The following ADK variants were observed in gnomAD, a reference collection of about 807,000 sequenced individuals.
ADK encodes N6,N6-dimethyladenosine kinase.
Under a neutral mutation model 44.7 loss-of-function variants are expected in ADK, and 24 were observed. That is an observed-to-expected ratio of 0.54 (90% CI 0.39 to 0.76). The LOEUF is 0.76. Ranked by LOEUF, ADK falls within the 30% of genes least tolerant of loss-of-function variation. ADK has a pLI of 0.00. For synonymous variants in ADK, 128 were observed against 142.6 expected (o/e 0.90, Z 0.73); for missense variants, 321 against 425.1 (o/e 0.76, Z 2.15).
chr10:74,529,417 A>C (rs1352713695), intron 7 of ADK: 1 of 152,094 alleles, frequency 6.6e-6, no homozygotes, highest in Admixed American at 6.6e-5. Context: ...TGGGATGATG[A>C]AAAAGTTCTG....
intron 3 of ADK, among the ~76,000 whole-genome samples, chr10:74,300,134 T>G (rs370625915): frequency 6.6e-6 from 1 of 151,774 alleles, no homozygotes; most frequent in Non-Finnish European, 1.5e-5. Flanking sequence ...TCCTCCTGCC[T>G]CAAGCTCCCA....
chr10:74,635,425 A>T (rs768225878), intron 9 of ADK, among the ~76,000 whole-genome samples: 6 of 152,202 alleles, frequency 3.9e-5, no homozygotes, highest in Non-Finnish European at 8.8e-5. Context: ...TAAACATAAG[A>T]GTATATACTA....
intron 10 of ADK, among the ~76,000 whole-genome samples, chr10:74,686,606 C>T (rs73278312): frequency 6.6e-6 from 1 of 152,304 alleles, no homozygotes; most frequent in Admixed American, 6.5e-5. Context: ...CTCAAGTATT[C>T]TGTTGTAGCA....
At chr10:74,606,847 A>G (rs1170017091) in intron 9 of ADK, among the ~76,000 whole-genome samples, 1 of 152,114 alleles carries the variant, frequency 6.6e-6, no homozygotes, top group Non-Finnish European at 1.5e-5. Context: ...ATCTCCCACT[A>G]TTATTGTGTG....
chr10:74,232,335 G>A (rs563898890), intron 3 of ADK, among the ~76,000 whole-genome samples: 27 of 152,020 alleles, frequency 1.8e-4, no homozygotes, highest in African/African-American at 5.8e-4. Flanking sequence ...CCTTGGCAAC[G>A]TGGCGAAACC....
At chr10:74,688,347 A>G (rs1195930993) in intron 10 of ADK, among the ~76,000 whole-genome samples, 1 of 152,174 alleles carries the variant, frequency 6.6e-6, no homozygotes, top group East Asian at 1.9e-4. Context: ...TGTAAGTTTC[A>G]GAAGAACAGG....
intron 7 of ADK, among the ~76,000 whole-genome samples, chr10:74,553,566 A>G (rs1384557512): frequency 2.0e-5 from 3 of 152,206 alleles, no homozygotes; most frequent in African/African-American, 7.2e-5. Context: ...CCCCAACTAC[A>G]TGGATAAATC....
intron 4 of ADK, among the ~76,000 whole-genome samples, chr10:74,352,253 G>T (rs901162956): frequency 6.6e-6 from 1 of 151,934 alleles, no homozygotes; most frequent in African/African-American, 2.4e-5. Context: ...CAGAACAGAG[G>T]CCTCAGAAAT....
chr10:74,543,300 C>A (rs11001064), intron 7 of ADK, among the ~76,000 whole-genome samples: 4 of 151,794 alleles, frequency 2.6e-5, no homozygotes, highest in Non-Finnish European at 5.9e-5. Context: ...TGCAATCCTT[C>A]TGCCTTGACC....
intron 3 of ADK, among the ~76,000 whole-genome samples, chr10:74,225,854 G>A (rs993018347): frequency 6.6e-6 from 1 of 152,094 alleles, no homozygotes; most frequent in Non-Finnish European, 1.5e-5. Context: ...TGTAGCATTG[G>A]TTGGTTATTA....
intron 4 of ADK, among the ~76,000 whole-genome samples, chr10:74,365,656 G>A (rs1842474789): frequency 6.6e-6 from 1 of 152,008 alleles, no homozygotes; most frequent in Non-Finnish European, 1.5e-5. Context: ...TTTTCAATTT[G>A]GATGCCCTTT....
chr10:74,545,594 C>T (rs1285296265), intron 7 of ADK, among the ~76,000 whole-genome samples: 1 of 152,108 alleles, frequency 6.6e-6, no homozygotes, highest in African/African-American at 2.4e-5. Flanking sequence ...TTCCTCCTGT[C>T]TTTAACTTCT....
At chr10:74,677,303 T>C (rs773947838) in intron 10 of ADK, among the ~76,000 whole-genome samples, 3 of 152,192 alleles carry the variant, frequency 2.0e-5, no homozygotes, top group Non-Finnish European at 2.9e-5. Flanking sequence ...AACATTGGTT[T>C]ACAAAAAATT....
chr10:74,372,166 C>A, intron 4 of ADK: 1 of 754,100 alleles, frequency 1.3e-6, no homozygotes, highest in Non-Finnish European at 2.4e-6. Context: ...ACTGAAAAAG[C>A]AGAGCAGCCT....
In ADK at chr10:74,561,742, G is replaced by C. The variant is rs139089814; in HGVS notation, c.727-27540G>C. 2.6e-5 allele frequency among the ~76,000 whole-genome samples: 4 copies of C among 152,296 alleles called. No individual in the cohort carries two copies. In the East Asian group the frequency reaches 7.7e-4, roughly 29 times the overall value. On this transcript the variant is annotated intron_variant, in intron 7 of 10. Transcript: ENST00000539909. ...TTTAGAGATTTGTTACAAGGAATTG[G>C]ATGATGGAAGTATGGAGGCTGGCTA...
At chr10:74,351,146 T>G (rs551414202) in intron 4 of ADK, among the ~76,000 whole-genome samples, 4 of 152,298 alleles carry the variant, frequency 2.6e-5, no homozygotes, top group African/African-American at 7.2e-5. Flanking sequence ...TTCAGGCCAA[T>G]ATCCCTGATG....
chr10:74,239,566 G>A (rs1477556871), intron 3 of ADK, among the ~76,000 whole-genome samples: 1 of 151,850 alleles, frequency 6.6e-6, no homozygotes, highest in African/African-American at 2.4e-5. Flanking sequence ...TTGAAAATTA[G>A]CCAGGGCATG....
chr10:74,412,611 T>C (rs1844223688), intron 6 of ADK, among the ~76,000 whole-genome samples: 1 of 152,240 alleles, frequency 6.6e-6, no homozygotes, highest in Non-Finnish European at 1.5e-5. Context: ...GGCTGCAGAA[T>C]GAATGTTGTT....
chr10:74,362,052 G>A (rs2131945169), intron 4 of ADK, among the ~76,000 whole-genome samples: 1 of 152,216 alleles, frequency 6.6e-6, no homozygotes, highest in Admixed American at 6.5e-5. Flanking sequence ...AGTCTTCTTT[G>A]TGTTTAATCT....
Sources: gnomAD v4.1 joint callset for allele counts (sites outside exome capture counted in the v4.1 genomes callset) on GRCh38, gnomAD v4.1.1 for gene constraint, MANE v1.5 for transcripts, NCBI Gene and HGNC (gene_info 2026-07-23, HGNC 2026-07-21) for gene names.